PIGQ: variants seen among roughly 807,000 people sequenced by gnomAD.
The protein encoded by PIGQ is phosphatidylinositol N-acetylglucosaminyltransferase subunit Q.
A neutral mutation model predicts 60.3 loss-of-function variants in PIGQ; 54 were observed. The ratio of observed to expected loss-of-function variants is 0.90; its 90% CI spans 0.72 to 1.12. PIGQ has a LOEUF of 1.12. PIGQ is among the 50% of genes most tolerant of loss of function. PIGQ has a pLI of 0.00. For missense variants in PIGQ, 799 were observed against 793.5 expected (o/e 1.01, Z -0.08); for synonymous variants, 416 against 363.7 (o/e 1.14, Z -1.64).
rs1200250558 is a variant in PIGQ, at chr16:579,121, G to C, written c.1276G>C (p.Gly426Arg). 1.2e-6 allele frequency: 2 copies of C among 1,612,896 alleles called. No individual in the cohort carries two copies. The highest frequency in any genetic ancestry group is 1.7e-6 in the Non-Finnish European group (2 of 1,179,810). Residue 426 changes from glycine (G) to arginine (R), a missense_variant, in exon 7 of 11, where the codon GGG (glycine) becomes CGG (arginine). By Grantham distance (125) the Gly-to-Arg change is moderately radical. Coordinates refer to ENST00000321878, the MANE Select transcript of PIGQ (RefSeq NM_004204.5). ...GTCCTCACTGTGGCGTCTGTTCCGG[G>C]GGAAGAAGTGGAACGTTCTGCGCCA... ...GLSSLWRLFR[G>R]KKWNVLRQRV... is the part of the protein sequence containing the mutation.
Position 583,103 on chromosome 16 carries a change from C to T in PIGQ, c.*68C>T. The T allele has an allele frequency of 1.2e-6, 2 of 1,613,106 alleles. No individual in the cohort carries two copies. Among genetic ancestry groups the T allele is most frequent in the South Asian group, 2.2e-5 (2 of 91,082 alleles). Reference sequence around the variant, plus strand: ...AGCCATCTGCTCTGCCAGGGTGGCACCAGCTCAGCTGGCGCATGTCCTGTG... The same window carrying T: ...AGCCATCTGCTCTGCCAGGGTGGCATCAGCTCAGCTGGCGCATGTCCTGTG... On this transcript the variant is annotated 3_prime_UTR_variant, in exon 11 of 11. Coordinates refer to ENST00000321878, the MANE Select transcript of PIGQ (RefSeq NM_004204.5).
chr16:580,101 C>A, intron 7 of PIGQ, 82 bp from the exon 8 acceptor site: 1 of 1,071,870 alleles, frequency 9.3e-7, no homozygotes, highest in Non-Finnish European at 1.4e-6. Flanking sequence ...ACTGCAGCTC[C>A]GGGATGGGGG....
Position 580,916 on chromosome 16 carries a change from A to C in PIGQ, c.1475A>C (p.Asn492Thr), listed in dbSNP as rs753843362. The C allele has an allele frequency of 6.2e-7, 1 of 1,609,144 alleles. No homozygotes were observed. The highest frequency in any genetic ancestry group is 1.1e-5 in the South Asian group (1 of 91,012). ...GLIHLLVDLI[N>T]SLPLYSLGLR... Reference sequence around the variant, plus strand: ...ATCCATCTGCTCGTGGACCTCATCAACTCCCTGCCGCTGTACTCACTGGGT... The same window carrying C: ...ATCCATCTGCTCGTGGACCTCATCACCTCCCTGCCGCTGTACTCACTGGGT... Residue 492 changes from asparagine to threonine, a missense_variant, in exon 9 of 11, where the codon AAC becomes ACC. Asn to Thr is a moderately conservative substitution (Grantham distance 65). Transcript: ENST00000321878.
intron 2 of PIGQ, among the ~76,000 whole-genome samples, chr16:575,082 A>G (rs1362713808): frequency 2.0e-5 from 3 of 152,126 alleles, no homozygotes; most frequent in Non-Finnish European, 4.4e-5. Flanking sequence ...AGACATGACT[A>G]CTGCTGCCTG....
chr16:579,180 G>C lies in PIGQ; in HGVS notation c.1335G>C (p.Gln445His). Residue 445 changes from glutamine (Q) to histidine (H), a missense_variant and splice_region_variant, in exon 7 of 11, where the codon CAG (glutamine) becomes CAC (histidine). Gln to His is a conservative substitution (Grantham distance 24, BLOSUM62 0). Transcript: ENST00000321878. ...RVDSCSYDLDQLFIGTLLFTI... is the reference protein window; with the variant it reads ...RVDSCSYDLDHLFIGTLLFTI... ...ACTCCTGTTCCTATGACCTGGACCA[G>C]GTATGGGGCAGGGTTCGTGGCTGGA... 6.2e-7 allele frequency: 1 copy of C among 1,609,708 alleles called. No individual in the cohort carries two copies. Among genetic ancestry groups the C allele is most frequent in the Non-Finnish European group, 8.5e-7 (1 of 1,176,930 alleles).
Position 583,917 on chromosome 16 carries a change from G to T in PIGQ, c.*882G>T. On this transcript the variant is annotated 3_prime_UTR_variant, in exon 11 of 11. Coordinates refer to ENST00000321878, the MANE Select transcript of PIGQ (RefSeq NM_004204.5). ...TGCCAGACGGCACGGTCTGGGTGCGGGTGTTCCCTGTGAGCCCGAGTCCGC... is the reference window on the plus strand; with the variant it reads ...TGCCAGACGGCACGGTCTGGGTGCGTGTGTTCCCTGTGAGCCCGAGTCCGC... 1 of 501,702 alleles carries T rather than the reference G, an allele frequency of 2.0e-6. No homozygotes were observed. The allele number at this position is 501,702 out of a possible 1,614,324, so 31.1% of individuals were successfully genotyped here.
Position 582,864 on chromosome 16 carries a change from G to A in PIGQ, c.1594-19G>A, listed in dbSNP as rs201504653. ...TGGAGCTCAGACCACCCCACTGACC[G>A]CTGCCCTTGTCCTTCCAGATAAACC... is the stretch of plus-strand genomic sequence containing the variant. On this transcript the variant is annotated intron_variant, in intron 10 of 10. Transcript: ENST00000321878. The A allele has an allele frequency of 1.5e-4, 243 of 1,578,740 alleles. No individual in the cohort carries two copies. The highest frequency in any genetic ancestry group is 1.9e-4 in the Non-Finnish European group (224 of 1,159,344).
chr16:578,575 C>T, intron 5 of PIGQ, 70 bp downstream of exon 5: 2 of 1,540,870 alleles, frequency 1.3e-6, no homozygotes, highest in Non-Finnish European at 1.8e-6. Flanking sequence ...CCCAGCCAGA[C>T]CCCGCCCCCT....
rs1415009669 is a variant in PIGQ, at chr16:574,675, C to T, written c.601C>T (p.Leu201Phe). Residue 201 changes from leucine to phenylalanine, a missense_variant, in exon 2 of 11, where the codon CTC becomes TTC. Transcript: ENST00000321878. ...WQSEGVEASI[L>F]AELARRASGP... ...GTCGGAGGGCGTGGAGGCCAGCATC[C>T]TCGCGGAGCTGGCCAGGCGAGCCTC... is the stretch of plus-strand genomic sequence containing the variant. 1.2e-6 allele frequency: 2 copies of T among 1,606,212 alleles called. No individual in the cohort carries two copies. Among genetic ancestry groups the T allele is most frequent in the African/African-American group, 2.7e-5 (2 of 74,854 alleles).
In PIGQ at chr16:583,711, A is replaced by G. The variant is rs1293712454; in HGVS notation, c.*676A>G. On this transcript the variant is annotated 3_prime_UTR_variant, in exon 11 of 11. Coordinates refer to ENST00000321878, the MANE Select transcript of PIGQ (RefSeq NM_004204.5). The stretch of plus-strand genomic sequence containing the variant: ...CAGCCTCAGTGTCAAGGGCCCGCCC[A>G]CTGACCCAGCCGTACCTATTCGTCC... The G allele has an allele frequency of 6.6e-7, 1 of 1,513,406 alleles. No individual in the cohort carries two copies. The highest frequency in any genetic ancestry group is 2.3e-5 in the East Asian group (1 of 44,276). 93.7% of individuals were successfully genotyped at this position (1,513,406 alleles called of 1,614,324 possible).
At chr16:571,611 CGTGTGTGT>C (rs4006749) in intron 1 of PIGQ, among the ~76,000 whole-genome samples, 6 of 125,104 alleles carry the variant, frequency 4.8e-5, no homozygotes, top group Non-Finnish European at 9.9e-5. Flanking sequence ...GCCTGGCGCC[CGTGTGTGT>C]GTGTGTGTGT....
chr16:578,329 G>C (rs758144646), intron 4 of PIGQ, 50 bp from the exon 5 acceptor site: 5 of 1,575,996 alleles, frequency 3.2e-6, no homozygotes, highest in Admixed American at 3.5e-5. Flanking sequence ...GGAGATGCAG[G>C]TGCTGAGCCT....
rs771774941 is a variant in PIGQ at position 574,362 on chromosome 16, G to A, written c.288G>A (p.Leu96=). 3 of 1,610,202 alleles carry A rather than the reference G, an allele frequency of 1.9e-6. No homozygotes were observed. The highest frequency in any genetic ancestry group is 2.5e-6 in the Non-Finnish European group (3 of 1,179,440). The change falls in exon 2 of 11, where the codon CTG becomes CTA. Residue 96 remains leucine, a synonymous_variant. Coordinates refer to ENST00000321878, the MANE Select transcript of PIGQ (RefSeq NM_004204.5). ...TCCCCCATGAGCCCTGGCTGCGGCT[G>A]TGCCGGGAGAGAGGCGGCACGTTCT... ...AVFPHEPWLR[L]CRERGGTFWS... is the part of the protein sequence containing the mutation.
chr16:580,613 C>G (rs2035795077), intron 8 of PIGQ: 1 of 564,830 alleles, frequency 1.8e-6, no homozygotes, highest in Non-Finnish European at 3.2e-6. Context: ...GGCCTCGATC[C>G]CCTCTGCATG....
chr16:583,665 A>T lies in PIGQ; in HGVS notation c.*630A>T. ...CCATCAGCAGGCTGTGAGCATCGCC[A>T]GGCTGCTGTGGGGGCGGGAGCAGCC... is the stretch of plus-strand genomic sequence containing the variant. On this transcript the variant is annotated 3_prime_UTR_variant, in exon 11 of 11. Transcript: ENST00000321878. The T allele has an allele frequency of 6.2e-7, 1 of 1,610,996 alleles. No homozygotes were observed. Among genetic ancestry groups the T allele is most frequent in the Non-Finnish European group, 8.5e-7 (1 of 1,179,486 alleles).
At position 578,806 on chromosome 16, in the gene PIGQ, C is replaced by T; in HGVS notation, c.1091C>T (p.Pro364Leu). 1 of 1,613,766 alleles carries T rather than the reference C, an allele frequency of 6.2e-7. No individual in the cohort carries two copies. The highest frequency in any genetic ancestry group is 1.6e-4 in the Middle Eastern group (1 of 6,062). Reference sequence around the variant, plus strand: ...CCAGGCTACATCCACCTCATGTCCCCCTTCGTGGAGCACATCCTTTGGCAC... The same window carrying T: ...CCAGGCTACATCCACCTCATGTCCCTCTTCGTGGAGCACATCCTTTGGCAC... ...LWISYIHLMS[P>L]FVEHILWHVG... The change falls in exon 6 of 11, where the codon CCC (proline) becomes CTC (leucine). Residue 364 changes from proline (P) to leucine (L), a missense_variant. Transcript: ENST00000321878.
intron 1 of PIGQ, among the ~76,000 whole-genome samples, chr16:571,088 T>C (rs1206692470): frequency 3.0e-4 from 5 of 16,442 alleles, no homozygotes; most frequent in South Asian, 4.7e-3. Context: ...TGTGTGTGTG[T>C]GTGTGTGTGT....
chr16:581,186 A>G, intron 9 of PIGQ: 1 of 1,436,504 alleles, frequency 7.0e-7, no homozygotes, highest in East Asian at 2.7e-5. Context: ...TCAGAGACTC[A>G]CCTGCCGCGC....
intron 1 of PIGQ, among the ~76,000 whole-genome samples, chr16:571,289 C>CGTGTGTGT (rs1194102863): frequency 0.061 from 184 of 3,024 alleles, no homozygotes; most frequent in Admixed American, 0.072. Flanking sequence ...GCCTGGCGCC[C>CGTGTGTGT]GTGTGTGTGT....
Sources: gnomAD v4.1 joint callset for allele counts (sites outside exome capture counted in the v4.1 genomes callset) on GRCh38, gnomAD v4.1.1 for gene constraint, MANE v1.5 for transcripts, NCBI Gene and HGNC (gene_info 2026-07-23, HGNC 2026-07-21) for gene names.